The following GATA4 variants were observed in gnomAD, a reference collection of about 807,000 sequenced individuals.
The protein encoded by GATA4 is GATA binding protein 4.
GATA4 carries 7 observed loss-of-function variants against 37.9 expected under a neutral mutation model. That is an observed-to-expected ratio of 0.18 (90% CI 0.11 to 0.35). The LOEUF is 0.35. Among genes scored for constraint, GATA4 ranks in the 10% least tolerant of loss-of-function variants. The probability of loss-of-function intolerance (pLI) is 1.00; values close to 1 mark genes in which losing one functional copy is unlikely to be tolerated. For missense variants in GATA4, 647 were observed against 653.0 expected (o/e 0.99, Z 0.10); for synonymous variants, 372 against 292.6 (o/e 1.27, Z -2.77).
upstream of GATA4, among the ~76,000 whole-genome samples, chr8:11,699,201 A>G (rs1200803506): frequency 6.6e-6 from 1 of 152,164 alleles, no homozygotes; most frequent in African/African-American, 2.4e-5. Context: ...AGCCAACCCC[A>G]TATAAATTAC....
At chr8:11,720,807 T>G (rs1030645601) in intron 2 of GATA4, among the ~76,000 whole-genome samples, 25 of 152,166 alleles carry the variant, frequency 1.6e-4, no homozygotes, top group African/African-American at 6.0e-4. Context: ...TGCATTGTTT[T>G]TCTTATGCAA....
upstream of GATA4, among the ~76,000 whole-genome samples, chr8:11,687,702 G>A (rs1049374637): frequency 6.6e-6 from 1 of 152,124 alleles, no homozygotes; most frequent in Admixed American, 6.5e-5. Context: ...TAACTACCAA[G>A]TGCTGCCTCC....
At chr8:11,745,695 C>T (rs1053914504) in intron 2 of GATA4, among the ~76,000 whole-genome samples, 11 of 152,136 alleles carry the variant, frequency 7.2e-5, no homozygotes, top group African/African-American at 2.4e-4. Flanking sequence ...CCCCTCCGAA[C>T]AAGAGGAACA....
chr8:11,680,482 C>T (rs1798922860), intron 1 of GATA4: 6 of 985,364 alleles, frequency 6.1e-6, no homozygotes, highest in South Asian at 9.4e-5. Context: ...GCTTTGGATG[C>T]ATTTCGATCA....
intron 1 of GATA4, among the ~76,000 whole-genome samples, chr8:11,705,374 C>T (rs994080652): frequency 6.6e-6 from 1 of 152,240 alleles, no homozygotes; most frequent in Admixed American, 6.5e-5. Flanking sequence ...GTCCTCCTCG[C>T]TGCAGGCCGA....
chr8:11,741,403 C>T (rs1207938280), intron 2 of GATA4, among the ~76,000 whole-genome samples: 2 of 151,996 alleles, frequency 1.3e-5, no homozygotes, highest in East Asian at 1.9e-4. Context: ...CGCCTGGGGC[C>T]GCGAAGTCAA....
At chr8:11,688,524 GCACACACACACA>G (rs56159918), upstream of GATA4, among the ~76,000 whole-genome samples, 1 of 149,530 alleles carries the variant, frequency 6.7e-6, no homozygotes, top group South Asian at 2.1e-4. Flanking sequence ...GTGCGCGCAT[GCACACACACACA>G]CACACACACA....
chr8:11,680,250 A>T (rs1396630261), intron 1 of GATA4, among the ~76,000 whole-genome samples: 2 of 152,246 alleles, frequency 1.3e-5, no homozygotes, highest in African/African-American at 4.8e-5. Context: ...CTGAGTGGGC[A>T]GGCGGGAGAC....
intron 1 of GATA4, among the ~76,000 whole-genome samples, chr8:11,697,042 C>G (rs58258057): frequency 0.016 from 2,377 of 152,340 alleles, 62 homozygotes; most frequent in South Asian, 0.086. Flanking sequence ...GTCGGGATAG[C>G]TCTGCACCTT....
At chr8:11,723,266 A>T (rs2130157322) in intron 2 of GATA4, among the ~76,000 whole-genome samples, 1 of 152,064 alleles carries the variant, frequency 6.6e-6, no homozygotes, top group East Asian at 1.9e-4. Flanking sequence ...CTGAAGTGGG[A>T]GGATTGCTTG....
intron 2 of GATA4, among the ~76,000 whole-genome samples, chr8:11,724,191 T>A (rs1380260455): frequency 6.6e-6 from 1 of 152,182 alleles, no homozygotes; most frequent in Non-Finnish European, 1.5e-5. Flanking sequence ...ATCGATACTG[T>A]ATTTTGTTTA....
At chr8:11,679,097 T>C (rs1193854672) in intron 1 of GATA4, among the ~76,000 whole-genome samples, 3 of 149,072 alleles carry the variant, frequency 2.0e-5, no homozygotes, top group African/African-American at 7.4e-5. Flanking sequence ...GGAGAGGTTT[T>C]AGGGTTAAAT....
intron 2 of GATA4, among the ~76,000 whole-genome samples, chr8:11,732,442 A>G (rs1406434698): frequency 6.6e-6 from 1 of 152,226 alleles, no homozygotes; most frequent in South Asian, 2.1e-4. Context: ...TGATTTGTAA[A>G]TGTTTGATTT....
At chr8:11,732,212 G>A (rs1801243916) in intron 2 of GATA4, among the ~76,000 whole-genome samples, 1 of 152,222 alleles carries the variant, frequency 6.6e-6, no homozygotes, top group African/African-American at 2.4e-5. Flanking sequence ...TGTAATAAAA[G>A]ACTGTAGATT....
Position 11,709,689 on chromosome 8 carries a change from C to T in GATA4, c.616+761C>T, listed in dbSNP as rs751576928. Among the ~76,000 whole-genome samples the T allele has an allele frequency of 9.2e-5, 14 of 152,100 alleles. No individual in the cohort carries two copies. Among genetic ancestry groups the T allele is most frequent in the African/African-American group, 3.4e-4 (14 of 41,416 alleles). ...TTTGCAGTCGCTTGCACGCGTGGAG[C>T]CTCCTCTTCTCGCGTGGGCCAGGGT... On this transcript the variant is annotated intron_variant, in intron 2 of 6. Transcript: ENST00000532059. This position sits in a 1 kb window ranked among gnomAD's most constrained non-coding sequence, Gnocchi z 4.3.
chr8:11,698,267 GACTT>G (rs1222989497), intron 1 of GATA4, among the ~76,000 whole-genome samples: 1 of 152,162 alleles, frequency 6.6e-6, no homozygotes, highest in Non-Finnish European at 1.5e-5. Flanking sequence ...CACTGTATTT[GACTT>G]ACTTATTGTC....
At chr8:11,741,490 A>G (rs1466516467) in intron 2 of GATA4, among the ~76,000 whole-genome samples, 33 of 151,950 alleles carry the variant, frequency 2.2e-4, no homozygotes, top group Non-Finnish European at 7.4e-5. Flanking sequence ...AAAAACAAAC[A>G]AACAAAAAAA....
intron 2 of GATA4, among the ~76,000 whole-genome samples, chr8:11,714,476 G>A (rs1156521265): frequency 6.6e-6 from 1 of 152,220 alleles, no homozygotes; most frequent in Non-Finnish European, 1.5e-5. Context: ...AGGGAACTTT[G>A]TGAGACTGGA....
At chr8:11,693,127 G>A (rs577760961) in intron 1 of GATA4, 2 of 954,096 alleles carry the variant, frequency 2.1e-6, no homozygotes, top group South Asian at 4.8e-5. Flanking sequence ...GTCTGTTAAC[G>A]ATGTGGTGTT....
Sources: gnomAD v4.1 joint callset for allele counts (sites outside exome capture counted in the v4.1 genomes callset) on GRCh38, gnomAD v4.1.1 for gene constraint, Gnocchi (gnomAD v3.1) non-coding constraint, MANE v1.5 for transcripts, NCBI Gene and HGNC (gene_info 2026-07-23, HGNC 2026-07-21) for gene names.